Variants in TMTC2 observed in about 807,000 individuals in gnomAD.
The protein encoded by TMTC2 is transmembrane O-mannosyltransferase targeting cadherins 2.
TMTC2 carries 43 observed loss-of-function variants against 82.4 expected under a neutral mutation model. The ratio of observed to expected loss-of-function variants is 0.52; its 90% CI spans 0.41 to 0.67. TMTC2 has a LOEUF of 0.67. Among genes scored for constraint, TMTC2 ranks in the 30% least tolerant of loss-of-function variants. TMTC2 has a pLI of 0.00. For synonymous variants in TMTC2, 408 were observed against 381.9 expected, an observed-to-expected ratio of 1.07 and a Z score of -0.80; for missense variants, 919 against 1,012.4, an observed-to-expected ratio of 0.91 and a Z score of 1.25.
At chr12:82,803,063 T>C (rs370850045) in intron 1 of TMTC2, among the ~76,000 whole-genome samples, 1 of 152,126 alleles carries the variant, frequency 6.6e-6, no homozygotes, top group Non-Finnish European at 1.5e-5. Flanking sequence ...CAAAGATGAC[T>C]CCCATGTTTT....
chr12:83,114,058 C>G lies in TMTC2; in HGVS notation c.2332-18152C>G, dbSNP rs527407506. Among the ~76,000 whole-genome samples, 28 of 152,158 alleles carry G rather than the reference C, an allele frequency of 1.8e-4. No homozygotes were observed. The South Asian group carries it at 5.6e-3, about 31-fold the overall frequency. On this transcript the variant is annotated intron_variant, in intron 11 of 11. Coordinates refer to ENST00000321196, the MANE Select transcript of TMTC2 (RefSeq NM_152588.3). ...CCTGCATTAATCCTGCTTGTTCATG[C>G]CATAGTCCCCATCTGCTTTGGAAGA... is the stretch of plus-strand genomic sequence containing the variant.
intron 2 of TMTC2, among the ~76,000 whole-genome samples, chr12:82,882,859 C>T (rs1565791753): frequency 6.6e-6 from 1 of 151,882 alleles, no homozygotes; most frequent in Non-Finnish European, 1.5e-5. Context: ...AGTTCGAGAC[C>T]AGCCTGATCA....
intron 8 of TMTC2, among the ~76,000 whole-genome samples, chr12:82,995,866 G>C (rs1387628671): frequency 6.6e-6 from 1 of 152,128 alleles, no homozygotes; most frequent in Non-Finnish European, 1.5e-5. Context: ...ACACCTCCTT[G>C]GCTCAAGCTG....
At chr12:82,730,400 A>ATT (rs1235156425) in intron 1 of TMTC2, among the ~76,000 whole-genome samples, 1 of 152,040 alleles carries the variant, frequency 6.6e-6, no homozygotes, top group East Asian at 1.9e-4. Flanking sequence ...TATTGGAATA[A>ATT]TAATAAGAGT....
chr12:83,037,721 A>C (rs1447800094), intron 9 of TMTC2, among the ~76,000 whole-genome samples: 1 of 152,122 alleles, frequency 6.6e-6, no homozygotes, highest in Non-Finnish European at 1.5e-5. Context: ...TTTACATAAG[A>C]TACTTTCCAA....
intron 10 of TMTC2, among the ~76,000 whole-genome samples, chr12:83,059,250 A>G (rs180884098): frequency 1.4e-3 from 220 of 151,956 alleles, no homozygotes; most frequent in Non-Finnish European, 2.4e-3. Flanking sequence ...TGATTCAATC[A>G]TCCCTACAGT....
intron 1 of TMTC2, among the ~76,000 whole-genome samples, chr12:82,735,836 A>T (rs1875090386): frequency 6.6e-6 from 1 of 151,960 alleles, no homozygotes; most frequent in African/African-American, 2.4e-5. Flanking sequence ...AAATAAAAAA[A>T]TTAGCCTGGC....
At chr12:82,869,212 A>T (rs1034035429) in intron 2 of TMTC2, among the ~76,000 whole-genome samples, 21 of 152,288 alleles carry the variant, frequency 1.4e-4, no homozygotes, top group African/African-American at 5.1e-4. Context: ...TTGGATGATC[A>T]TCAGCTGCTC....
chr12:83,003,435 T>G (rs968378183), intron 8 of TMTC2, among the ~76,000 whole-genome samples: 1 of 152,176 alleles, frequency 6.6e-6, no homozygotes, highest in Non-Finnish European at 1.5e-5. Context: ...AATATTCATA[T>G]GTGAGATTTT....
intron 1 of TMTC2, among the ~76,000 whole-genome samples, chr12:82,821,709 A>G (rs1010460577): frequency 1.3e-5 from 2 of 152,020 alleles, no homozygotes; most frequent in African/African-American, 4.8e-5. Flanking sequence ...CATCTCTACT[A>G]AAAATACAAA....
At chr12:82,713,323 A>G (rs1398421593) in intron 1 of TMTC2, among the ~76,000 whole-genome samples, 11 of 151,286 alleles carry the variant, frequency 7.3e-5, no homozygotes, top group Admixed American at 5.4e-4. Context: ...TTCAAAAAAA[A>G]AAGAAAAACA....
intron 11 of TMTC2, among the ~76,000 whole-genome samples, chr12:83,062,327 A>T (rs936220291): frequency 6.6e-6 from 1 of 151,706 alleles, no homozygotes; most frequent in Admixed American, 6.6e-5. Context: ...TCTCTGGGTA[A>T]TCATGCTTCT....
chr12:82,930,428 C>T lies in TMTC2; in HGVS notation c.1484-3C>T, dbSNP rs200086306. The T allele has an allele frequency of 1.1e-4, 166 of 1,563,194 alleles. No homozygotes were observed. The highest frequency in any genetic ancestry group is 5.9e-4 in the Admixed American group (33 of 56,188). On this transcript the variant is annotated splice_region_variant and splice_polypyrimidine_tract_variant and intron_variant, in intron 3 of 11. Transcript: ENST00000321196. ...TCTGAAAATTTCTTTTTCTTCTTGGCAGCATGGGGTAACCTTGGAAATGTT... is the reference window on the plus strand; with the variant it reads ...TCTGAAAATTTCTTTTTCTTCTTGGTAGCATGGGGTAACCTTGGAAATGTT...
chr12:83,048,547 T>G (rs1044385264), intron 9 of TMTC2, among the ~76,000 whole-genome samples: 2 of 152,222 alleles, frequency 1.3e-5, no homozygotes, highest in Non-Finnish European at 2.9e-5. Context: ...GTCTTAGTCT[T>G]AAAATTTTGT....
chr12:82,881,349 T>G (rs538390321), intron 2 of TMTC2, among the ~76,000 whole-genome samples: 1 of 152,358 alleles, frequency 6.6e-6, no homozygotes, highest in South Asian at 2.1e-4. Flanking sequence ...GTATTAACTT[T>G]CCGACATCGT....
intron 11 of TMTC2, among the ~76,000 whole-genome samples, chr12:83,124,054 A>T (rs1312334291): frequency 6.6e-6 from 1 of 152,162 alleles, no homozygotes; most frequent in Admixed American, 6.5e-5. Flanking sequence ...GCTTACATTG[A>T]TGCATGGATA....
At chr12:83,111,680 A>C (rs1884605455) in intron 11 of TMTC2, among the ~76,000 whole-genome samples, 1 of 152,150 alleles carries the variant, frequency 6.6e-6, no homozygotes, top group Admixed American at 6.5e-5. Context: ...TTACAAATGT[A>C]AGCTCCATGA....
intron 9 of TMTC2, among the ~76,000 whole-genome samples, chr12:83,039,589 T>C (rs1307477347): frequency 6.6e-6 from 1 of 152,108 alleles, no homozygotes; most frequent in Non-Finnish European, 1.5e-5. Context: ...TACATGATTA[T>C]GTTTATTTTA....
intron 1 of TMTC2, among the ~76,000 whole-genome samples, chr12:82,707,698 A>G (rs190285650): frequency 1.1e-4 from 16 of 152,296 alleles, no homozygotes; most frequent in Admixed American, 9.8e-4. Flanking sequence ...AGTGGAAAGG[A>G]GGCAGGTTTG....
Sources: gnomAD v4.1 joint callset for allele counts (sites outside exome capture counted in the v4.1 genomes callset) on GRCh38, gnomAD v4.1.1 for gene constraint, MANE v1.5 for transcripts, NCBI Gene and HGNC (gene_info 2026-07-23, HGNC 2026-07-21) for gene names.